The following SPEG variants were observed in gnomAD, a reference collection of about 807,000 sequenced individuals.
SPEG encodes striated muscle enriched protein kinase.
In SPEG, 114 loss-of-function variants were observed where a neutral mutation model predicts 300.4. That is an observed-to-expected ratio of 0.38 (90% CI 0.33 to 0.44). SPEG has a LOEUF of 0.44. Ranked by LOEUF, SPEG falls within the 20% of genes least tolerant of loss-of-function variation. The pLI is 1.00. For synonymous variants in SPEG, 1,964 were observed against 2,018.9 expected, an observed-to-expected ratio of 0.97 and a Z score of 0.73; for missense variants, 4,201 against 4,586.2, an observed-to-expected ratio of 0.92 and a Z score of 2.43.
chr2:219,475,411 C>T (rs1037805356), intron 18 of SPEG, among the ~76,000 whole-genome samples: 1 of 152,188 alleles, frequency 6.6e-6, no homozygotes, highest in African/African-American at 2.4e-5. Context: ...ACTGCCCCCA[C>T]CACCTCCCAG....
intron 28 of SPEG, 55 bp from the exon 29 acceptor site, chr2:219,482,729 C>T: frequency 6.4e-7 from 1 of 1,551,950 alleles, no homozygotes; most frequent in African/African-American, 1.4e-5. Flanking sequence ...TGTTGCCAAA[C>T]CTGGAGGGTC....
At chr2:219,466,825 C>A (rs1691404356) in intron 9 of SPEG, 2 of 1,071,400 alleles carry the variant, frequency 1.9e-6, no homozygotes, top group Non-Finnish European at 2.3e-6. Context: ...TTTGGAAACA[C>A]CTATTTCTTA....
At position 219,473,463 on chromosome 2, in the gene SPEG, A is replaced by T; in HGVS notation, c.4148-41A>T. On this transcript the variant is annotated intron_variant, in intron 16 of 40. Transcript: ENST00000312358. The surrounding 1 kb of genome is among the most constrained non-coding windows in gnomAD (Gnocchi z 4.6). ...AGGAGTGGTGGGTGCTGAGGACCTGATGTCAAGCCCAGCACAGAGCCTGCG... is the reference window on the plus strand; with the variant it reads ...AGGAGTGGTGGGTGCTGAGGACCTGTTGTCAAGCCCAGCACAGAGCCTGCG... 2.5e-6 allele frequency: 4 copies of T among 1,603,384 alleles called. No individual in the cohort carries two copies.
intron 28 of SPEG, among the ~76,000 whole-genome samples, 161 bp from the exon 29 acceptor site, chr2:219,482,623 T>C (rs989642359): frequency 6.6e-6 from 1 of 152,126 alleles, no homozygotes; most frequent in African/African-American, 2.4e-5. Context: ...GGCATTGTCC[T>C]GACAGACCCA....
chr2:219,479,914 A>G lies in SPEG; in HGVS notation c.5164-48A>G, dbSNP rs1219743362. The G allele has an allele frequency of 1.2e-6, 2 of 1,614,110 alleles. No homozygotes were observed. Among genetic ancestry groups the G allele is most frequent in the Non-Finnish European group, 1.7e-6 (2 of 1,179,972 alleles). ...CCCTGTGGGAGCCAGGAGGTGAAGC[A>G]TCCTTCCTTGTTCATTTGGCCCGCA... is the stretch of plus-strand genomic sequence containing the variant. On this transcript the variant is annotated intron_variant, in intron 24 of 40. Coordinates refer to ENST00000312358, the MANE Select transcript of SPEG (RefSeq NM_005876.5). The surrounding 1 kb of genome is among the most constrained non-coding windows in gnomAD (Gnocchi z 5.5).
Position 219,490,792 on chromosome 2 carries a change from A to T in SPEG, c.9221A>T (p.Asp3074Val). ...ATGGTGCAGCTGCTACAAGGCCTGG[A>T]CTACCTCCACGGCCACCACGTGCTC... ...TYMVQLLQGL[D>V]YLHGHHVLHL... Residue 3074 changes from aspartate (D) to valine (V), a missense_variant, in exon 38 of 41, where the codon GAC becomes GTC. Coordinates refer to ENST00000312358, the MANE Select transcript of SPEG (RefSeq NM_005876.5). 1 of 1,614,062 alleles carries T rather than the reference A, an allele frequency of 6.2e-7. No individual in the cohort carries two copies. The highest frequency in any genetic ancestry group is 1.3e-5 in the African/African-American group (1 of 75,036).
chr2:219,478,134 G>A (rs1477029671), intron 22 of SPEG, 29 bp downstream of exon 22: 11 of 1,587,406 alleles, frequency 6.9e-6, no homozygotes, highest in Non-Finnish European at 9.5e-6. Context: ...GGGGCTAGGG[G>A]GATCCATGCC....
rs377353278 is a variant in SPEG at position 219,467,200 on chromosome 2, G to C, written c.2908G>C (p.Val970Leu). The change falls in exon 10 of 41, where the codon GTG (valine) becomes CTG (leucine). Residue 970 changes from valine to leucine, a missense_variant. Physicochemically the swap from Val to Leu is conservative, Grantham distance 32 (BLOSUM62 1). Around this residue, in one of 4 missense-constraint regions of SPEG, gnomAD observed 1,047 missense variants for 1,356.8 expected, o/e 0.77. Transcript: ENST00000312358. Reference sequence around the variant, plus strand: ...ACACCCTGAAAGCCGGTCCCTGGCCGTGCTGGCCCCCCTGCAGGACGTGGA... The same window carrying C: ...ACACCCTGAAAGCCGGTCCCTGGCCCTGCTGGCCCCCCTGCAGGACGTGGA... ...RAHPESRSLA[V>L]LAPLQDVDVG... is the part of the protein sequence containing the mutation. 6.3e-7 allele frequency: 1 copy of C among 1,589,642 alleles called. No homozygotes were observed. The highest frequency in any genetic ancestry group is 8.6e-7 in the Non-Finnish European group (1 of 1,169,008).
In SPEG at chr2:219,479,767, C is replaced by T. The variant is rs2125529668; in HGVS notation, c.5086-16C>T. ...CCACCCTTCCCCCTCAGACTCTGGG[C>T]CCACTATTTCCACAGATCCGGGCCT... On this transcript the variant is annotated splice_polypyrimidine_tract_variant and intron_variant, in intron 23 of 40. Transcript: ENST00000312358. The surrounding 1 kb of genome is among the most constrained non-coding windows in gnomAD (Gnocchi z 5.5). The T allele has an allele frequency of 6.2e-7, 1 of 1,613,092 alleles. No individual in the cohort carries two copies. Among genetic ancestry groups the T allele is most frequent in the South Asian group, 1.1e-5 (1 of 91,050 alleles).
At position 219,473,578 on chromosome 2, in the gene SPEG, A is replaced by G; in HGVS notation, c.4222A>G (p.Ser1408Gly). ...IVYVVEGQPA[S>G]VTVTFNHVEA... ...GTATGTGGTGGAGGGACAGCCTGCC[A>G]GCGTCACCGTCACATTCAACCATGT... Residue 1408 changes from serine to glycine, a missense_variant, in exon 17 of 41, where the codon AGC (serine) becomes GGC (glycine). By Grantham distance (56) the Ser-to-Gly change is moderately conservative. Coordinates refer to ENST00000312358, the MANE Select transcript of SPEG (RefSeq NM_005876.5). The surrounding 1 kb of genome is among the most constrained non-coding windows in gnomAD (Gnocchi z 4.6). 1 of 1,614,184 alleles carries G rather than the reference A, an allele frequency of 6.2e-7. No homozygotes were observed. Among genetic ancestry groups the G allele is most frequent in the Non-Finnish European group, 8.5e-7 (1 of 1,180,024 alleles).
At chr2:219,456,827 T>C (rs1690218104) in intron 6 of SPEG, among the ~76,000 whole-genome samples, 1 of 149,680 alleles carries the variant, frequency 6.7e-6, no homozygotes, top group South Asian at 2.1e-4. Context: ...GAGAATCACT[T>C]GAATCTGGGA....
chr2:219,492,409 C>G (rs1694056502), intron 40 of SPEG, 149 bp downstream of exon 40: 1 of 1,129,372 alleles, frequency 8.9e-7, no homozygotes, highest in African/African-American at 1.6e-5. Context: ...AAGCCTGAGG[C>G]AGCCCCGTGC....
intron 1 of SPEG, among the ~76,000 whole-genome samples, chr2:219,442,569 C>T (rs1475357325): frequency 1.3e-5 from 2 of 151,854 alleles, no homozygotes; most frequent in East Asian, 3.9e-4. Context: ...CGCACCTGGG[C>T]CTCCTGCATT....
Position 219,451,679 on chromosome 2 carries a change from G to T in SPEG, c.2312G>T (p.Arg771Leu), listed in dbSNP as rs777921884. 6 of 1,585,840 alleles carry T rather than the reference G, an allele frequency of 3.8e-6. No individual in the cohort carries two copies. The African/African-American group carries it at 5.4e-5, about 14-fold the overall frequency. The change falls in exon 6 of 41, where the codon CGG becomes CTG. Residue 771 changes from arginine to leucine, a missense_variant. This residue lies in a region of SPEG where 1,258 missense variants were observed against 1,293.9 expected (regional missense o/e 0.97). Coordinates refer to ENST00000312358, the MANE Select transcript of SPEG (RefSeq NM_005876.5). This position sits in a 1 kb window ranked among gnomAD's most constrained non-coding sequence, Gnocchi z 6.4. ...ALRSEGRLLL[R>L]AEGERHTLLL... is the part of the protein sequence containing the mutation. ...CGCAGCGAGGGCCGCCTCCTCCTCC[G>T]GGCTGAGGGTGAGCGGCACACCCTG... is the stretch of plus-strand genomic sequence containing the variant.
rs1177995115 is a variant in SPEG at position 219,445,503 on chromosome 2, C to T, written c.815+342C>T. On this transcript the variant is annotated intron_variant, in intron 3 of 40. Transcript: ENST00000312358. This position sits in a 1 kb window ranked among gnomAD's most constrained non-coding sequence, Gnocchi z 6.1. ...CTCCAGTTGTCCCCAGGATCCCTCC[C>T]CCGACCCGGGGGCCCCCTTGGTGCC... The T allele has an allele frequency of 2.9e-5, 11 of 379,810 alleles. No individual in the cohort carries two copies. Among genetic ancestry groups the T allele is most frequent in the Middle Eastern group, 7.5e-4 (1 of 1,330 alleles). 23.5% of individuals were successfully genotyped at this position (379,810 alleles called of 1,614,324 possible). A position where few individuals can be genotyped will look rare whatever the true frequency, so the allele number is the denominator to read the frequency against.
At chr2:219,441,802 G>A (rs967247276) in intron 1 of SPEG, among the ~76,000 whole-genome samples, 1 of 151,842 alleles carries the variant, frequency 6.6e-6, no homozygotes, top group African/African-American at 2.4e-5. Context: ...TAGGGGGACA[G>A]GACAAGGAAG....
chr2:219,447,777 C>G (rs1027265116), intron 3 of SPEG, among the ~76,000 whole-genome samples, 197 bp from the exon 4 acceptor site: 3 of 151,790 alleles, frequency 2.0e-5, no homozygotes, highest in African/African-American at 7.3e-5. Context: ...CTTGTGGTTC[C>G]AGAGCCGCCG....
intron 39 of SPEG, 102 bp from the exon 40 acceptor site, chr2:219,492,009 G>A: frequency 7.0e-7 from 1 of 1,423,462 alleles, no homozygotes; most frequent in Non-Finnish European, 9.7e-7. Flanking sequence ...CAGGTGCACA[G>A]TAGCATGGCC....
Position 219,490,457 on chromosome 2 carries a change from A to C in SPEG, c.8970A>C (p.Arg2990=). ...CGTGCCGGGAGAATGCCACGGGGCG[A>C]ACGTTCGTGGCCAAGATCGTGCCCT... ...VRACRENATG[R]TFVAKIVPYA... The change falls in exon 37 of 41, where the codon CGA becomes CGC. Residue 2990 remains arginine (R), a synonymous_variant. Coordinates refer to ENST00000312358, the MANE Select transcript of SPEG (RefSeq NM_005876.5). The C allele has an allele frequency of 2.5e-6, 4 of 1,613,154 alleles. No homozygotes were observed. Among genetic ancestry groups the C allele is most frequent in the Non-Finnish European group, 3.4e-6 (4 of 1,179,948 alleles).
Sources: gnomAD v4.1 joint callset for allele counts (sites outside exome capture counted in the v4.1 genomes callset) on GRCh38, gnomAD v4.1.1 for gene constraint, gnomAD v4.1.1 regional missense constraint, Gnocchi (gnomAD v3.1) non-coding constraint, MANE v1.5 for transcripts, NCBI Gene and HGNC (gene_info 2026-07-23, HGNC 2026-07-21) for gene names.